SEZ6L: variants seen among roughly 807,000 people sequenced by gnomAD.
SEZ6L encodes seizure 6-like protein.
SEZ6L carries 37 observed loss-of-function variants against 106.2 expected under a neutral mutation model. The ratio of observed to expected loss-of-function variants is 0.35; its 90% CI spans 0.27 to 0.46. SEZ6L has a LOEUF of 0.46. SEZ6L is among the 20% of genes least tolerant of loss of function. SEZ6L has a pLI of 1.00. For synonymous variants in SEZ6L, 541 were observed against 570.4 expected, an observed-to-expected ratio of 0.95 and a Z score of 0.73; for missense variants, 1,172 against 1,332.8, an observed-to-expected ratio of 0.88 and a Z score of 1.88.
chr22:26,223,436 T>G (rs1017565810), intron 1 of SEZ6L, among the ~76,000 whole-genome samples: 2 of 152,216 alleles, frequency 1.3e-5, no homozygotes, highest in Non-Finnish European at 2.9e-5. Flanking sequence ...TATTTTTAAT[T>G]ATATTGTAGA....
chr22:26,349,448 G>A (rs1427642406), intron 11 of SEZ6L, among the ~76,000 whole-genome samples: 2 of 152,170 alleles, frequency 1.3e-5, no homozygotes, highest in Non-Finnish European at 2.9e-5. Flanking sequence ...TGGAAACAAC[G>A]CTGCTGTTAA....
chr22:26,333,529 A>G (rs560232864), intron 9 of SEZ6L, among the ~76,000 whole-genome samples: 1 of 150,602 alleles, frequency 6.6e-6, no homozygotes, highest in Admixed American at 6.6e-5. Flanking sequence ...CCTAGGTAGG[A>G]ATTGGGGTCA....
At position 26,305,598 on chromosome 22, in the gene SEZ6L, G is replaced by C. The variant is rs117771475; in HGVS notation, c.1349-381G>C. Among the ~76,000 whole-genome samples the C allele has an allele frequency of 2.5e-3, 379 of 152,234 alleles. 8 individuals carry two copies. In the East Asian group the frequency reaches 0.059, roughly 24 times the overall value. On this transcript the variant is annotated intron_variant, in intron 5 of 16. Transcript: ENST00000248933. ...GTACTAGAAATATATTTCTTCTTTT[G>C]TGAACTGCCTGTTTATATCCTTCTT...
intron 9 of SEZ6L, among the ~76,000 whole-genome samples, chr22:26,338,434 AT>A (rs2082711948): frequency 6.6e-6 from 1 of 152,060 alleles, no homozygotes; most frequent in Non-Finnish European, 1.5e-5. Flanking sequence ...TTCTTGCTCT[AT>A]TGCCCAGGCT....
In SEZ6L at chr22:26,207,933, G is replaced by T. The variant is rs1941362693; in HGVS notation, c.94+38170G>T. Among the ~76,000 whole-genome samples, 4 of 143,482 alleles carry T rather than the reference G, an allele frequency of 2.8e-5. No individual in the cohort carries two copies. The South Asian group carries it at 9.8e-4, about 35-fold the overall frequency. 94.1% of individuals were successfully genotyped at this position (143,482 alleles called of 152,430 possible). On this transcript the variant is annotated intron_variant, in intron 1 of 16. Coordinates refer to ENST00000248933, the MANE Select transcript of SEZ6L (RefSeq NM_021115.5). ...GTATTTTTTTTTTTTTTTTTGAGAC[G>T]GAGTCTCGCTCTGTCGCCCAGGCTG...
chr22:26,202,785 TTAGAG>T (rs1208184567), intron 1 of SEZ6L, among the ~76,000 whole-genome samples: 1 of 152,198 alleles, frequency 6.6e-6, no homozygotes, highest in Non-Finnish European at 1.5e-5. Context: ...CCTGGATGAT[TTAGAG>T]TATTCTCCAC....
At chr22:26,336,879 C>A (rs1020456370) in intron 9 of SEZ6L, among the ~76,000 whole-genome samples, 1 of 152,096 alleles carries the variant, frequency 6.6e-6, no homozygotes, top group Non-Finnish European at 1.5e-5. Flanking sequence ...TGACATAAAT[C>A]ATCTGATGTC....
intron 1 of SEZ6L, among the ~76,000 whole-genome samples, chr22:26,193,429 C>G (rs1403515484): frequency 6.6e-6 from 1 of 152,166 alleles, no homozygotes; most frequent in Non-Finnish European, 1.5e-5. Flanking sequence ...CCTAGACAGA[C>G]CAATGGCTGA....
At chr22:26,212,747 C>A (rs1048006419) in intron 1 of SEZ6L, among the ~76,000 whole-genome samples, 1 of 152,106 alleles carries the variant, frequency 6.6e-6, no homozygotes, top group Non-Finnish European at 1.5e-5. Context: ...GAAAGTAGAC[C>A]CTGCCCCTTG....
chr22:26,234,145 G>C (rs748590021), intron 1 of SEZ6L, among the ~76,000 whole-genome samples: 6 of 152,208 alleles, frequency 3.9e-5, no homozygotes, highest in Non-Finnish European at 5.9e-5. Flanking sequence ...TGACCACCTT[G>C]TGGAAACTGG....
At chr22:26,360,595 T>C (rs2083583875) in intron 12 of SEZ6L, among the ~76,000 whole-genome samples, 2 of 152,174 alleles carry the variant, frequency 1.3e-5, no homozygotes, top group Admixed American at 6.5e-5. Flanking sequence ...CTGCTGGTCA[T>C]TTTTCTGCAC....
At position 26,366,283 on chromosome 22, in the gene SEZ6L, G is replaced by A. The variant is rs187377344; in HGVS notation, c.2794+717G>A. Among the ~76,000 whole-genome samples the A allele has an allele frequency of 2.1e-4, 32 of 151,892 alleles. No homozygotes were observed. In the East Asian group the frequency reaches 2.5e-3, roughly 12 times the overall value. On this transcript the variant is annotated intron_variant, in intron 13 of 16. Coordinates refer to ENST00000248933, the MANE Select transcript of SEZ6L (RefSeq NM_021115.5). ...CAGGAGGCAGAGGTTGCAGTGAGCC[G>A]AGGTGGCTCCACTGCACTCCAGCCT...
At chr22:26,276,630 T>C (rs2080553879) in intron 1 of SEZ6L, among the ~76,000 whole-genome samples, 1 of 152,212 alleles carries the variant, frequency 6.6e-6, no homozygotes, top group African/African-American at 2.4e-5. Flanking sequence ...CTGTGCTGAC[T>C]GGTGTGTCTG....
chr22:26,251,468 C>T (rs1242757035), intron 1 of SEZ6L, among the ~76,000 whole-genome samples: 2 of 152,022 alleles, frequency 1.3e-5, no homozygotes, highest in East Asian at 1.9e-4. Context: ...TTGATTTGCA[C>T]ATATTAAAGC....
chr22:26,198,108 G>A (rs551303668), intron 1 of SEZ6L, among the ~76,000 whole-genome samples: 1 of 152,290 alleles, frequency 6.6e-6, no homozygotes, highest in East Asian at 1.9e-4. Flanking sequence ...TTTGCTCTTT[G>A]AGACTACAAA....
At chr22:26,314,091 C>CAG (rs201131115) in intron 9 of SEZ6L, among the ~76,000 whole-genome samples, 189 bp downstream of exon 9, 2,979 of 142,340 alleles carry the variant, frequency 0.021, 80 homozygotes, top group African/African-American at 0.081. Flanking sequence ...CACACACACA[C>CAG]ACACAGAGAG....
At chr22:26,313,446 G>A (rs1036408855) in intron 8 of SEZ6L, among the ~76,000 whole-genome samples, 3 of 152,160 alleles carry the variant, frequency 2.0e-5, no homozygotes, top group Non-Finnish European at 4.4e-5. Flanking sequence ...AGCAGAGGCT[G>A]TTGAGGAGTC....
At chr22:26,260,892 T>A (rs2079980869) in intron 1 of SEZ6L, among the ~76,000 whole-genome samples, 1 of 152,162 alleles carries the variant, frequency 6.6e-6, no homozygotes, top group African/African-American at 2.4e-5. Flanking sequence ...TGCCAACGTC[T>A]ATTGTATTTT....
intron 1 of SEZ6L, among the ~76,000 whole-genome samples, chr22:26,261,196 T>C (rs145964108): frequency 1.8e-3 from 277 of 152,380 alleles, no homozygotes; most frequent in African/African-American, 6.1e-3. Context: ...CTGTTTACTC[T>C]GCTGACTGTT....
Sources: allele counts gnomAD v4.1 joint callset (sites outside exome capture counted in the v4.1 genomes callset), GRCh38; gene constraint gnomAD v4.1.1; transcripts MANE v1.5; gene names NCBI Gene and HGNC (gene_info 2026-07-23, HGNC 2026-07-21).